Variants in PHC3 observed in about 807,000 individuals in gnomAD.
PHC3 encodes the protein polyhomeotic homolog 3, also known as polyhomeotic-like protein 3.
In PHC3, 13 loss-of-function variants were observed where a neutral mutation model predicts 107.4. That is an observed-to-expected ratio of 0.12 (90% CI 0.08 to 0.19). PHC3 has a LOEUF of 0.19. Among genes scored for constraint, PHC3 ranks in the 10% least tolerant of loss-of-function variants. The pLI, the probability that PHC3 is intolerant of heterozygous loss-of-function variation, is 1.00. For synonymous variants in PHC3, 456 were observed against 427.4 expected, an observed-to-expected ratio of 1.07 and a Z score of -0.83; for missense variants, 992 against 1,210.9, an observed-to-expected ratio of 0.82 and a Z score of 2.68.
In PHC3 at chr3:170,130,303, TTC is replaced by T. The variant is rs150557071; in HGVS notation, c.920-753_920-752del. On this transcript the variant is annotated intron_variant, in intron 7 of 14. Transcript: ENST00000495893. ...ATTCATAAAATAAAGATCTCATCCT[TTC>T]TAATCCATATCTAAACGTGCTTCCA... Among the ~76,000 whole-genome samples, 615 of 152,296 alleles carry T rather than the reference TTC, an allele frequency of 4.0e-3. 7 individuals carry two copies. Among genetic ancestry groups the T allele is most frequent in the Admixed American group, 0.03 (460 of 15,296 alleles).
At chr3:170,135,548 T>C (rs1722941257) in intron 7 of PHC3, among the ~76,000 whole-genome samples, 1 of 151,958 alleles carries the variant, frequency 6.6e-6, no homozygotes, top group South Asian at 2.1e-4. Flanking sequence ...TTATAGTGAT[T>C]TAGAAAACTA....
At chr3:170,152,679 G>C (rs946337430) in intron 4 of PHC3, among the ~76,000 whole-genome samples, 2 of 139,082 alleles carry the variant, frequency 1.4e-5, no homozygotes, top group African/African-American at 5.5e-5. Flanking sequence ...TTTTTTTTTT[G>C]AGACAGGGTC....
intron 6 of PHC3, among the ~76,000 whole-genome samples, chr3:170,140,041 A>C (rs1459372430): frequency 6.6e-6 from 1 of 151,874 alleles, no homozygotes; most frequent in Non-Finnish European, 1.5e-5. Context: ...CTCTCACATC[A>C]ATTATTTAAC....
rs1160615178 is a variant in PHC3 at position 170,176,837 on chromosome 3, G to C, written c.180+1936C>G. The C allele has an allele frequency of 9.0e-6, 4 of 445,932 alleles. No individual in the cohort carries two copies. The East Asian group carries it at 2.8e-4, about 31-fold the overall frequency. The allele number at this position is 445,932 out of a possible 1,614,324, so 27.6% of individuals were successfully genotyped here. Reference sequence around the variant, plus strand: ...TCAAAGATACTTCATTTAATCCTCAGAGTAATTAATGAAAGAAGTAGTCTC... The same window carrying C: ...TCAAAGATACTTCATTTAATCCTCACAGTAATTAATGAAAGAAGTAGTCTC... On this transcript the variant is annotated intron_variant, in intron 2 of 14. Coordinates refer to ENST00000495893, the MANE Select transcript of PHC3 (RefSeq NM_024947.4).
intron 9 of PHC3, among the ~76,000 whole-genome samples, chr3:170,119,999 A>G (rs7638400): frequency 0.11 from 16,907 of 152,236 alleles, 1,004 homozygotes; most frequent in Middle Eastern, 0.16. Flanking sequence ...GAAAACATGG[A>G]AAGACGTTCT....
intron 8 of PHC3, among the ~76,000 whole-genome samples, chr3:170,126,577 T>G (rs1721334863): frequency 6.7e-6 from 1 of 148,264 alleles, no homozygotes; most frequent in Non-Finnish European, 1.5e-5. Flanking sequence ...AGTCTCACTC[T>G]GTCACCCAGG....
rs562337245 is a variant in PHC3 at position 170,089,641 on chromosome 3, G to C, written c.*7589C>G. The C allele has an allele frequency of 2.8e-4, 42 of 152,268 alleles. No individual in the cohort carries two copies. Among genetic ancestry groups the C allele is most frequent in the African/African-American group, 9.6e-4 (40 of 41,546 alleles). 9.4% of individuals were successfully genotyped at this position (152,268 alleles called of 1,614,324 possible). A position where few individuals can be genotyped will look rare whatever the true frequency, so the allele number is the denominator to read the frequency against. On this transcript the variant is annotated 3_prime_UTR_variant, in exon 15 of 15. Coordinates refer to ENST00000495893, the MANE Select transcript of PHC3 (RefSeq NM_024947.4). ...AGAAAGTTGCTACACTGTCGGACAG[G>C]TGTGGTGGCTCATGCCTGTAATCCC...
At chr3:170,118,874 C>G (rs1719580981) in intron 9 of PHC3, among the ~76,000 whole-genome samples, 1 of 151,696 alleles carries the variant, frequency 6.6e-6, no homozygotes, top group South Asian at 2.1e-4. Flanking sequence ...CTCAAGTGAT[C>G]CTCCTGCCTC....
intron 4 of PHC3, among the ~76,000 whole-genome samples, chr3:170,168,753 C>CAAAAA (rs59152470): frequency 2.6e-5 from 2 of 77,068 alleles, no homozygotes; most frequent in East Asian, 7.1e-4. Flanking sequence ...GACTCCGTCT[C>CAAAAA]AAAAAAAAAA....
intron 6 of PHC3, among the ~76,000 whole-genome samples, chr3:170,141,184 T>A (rs1282712676): frequency 6.6e-6 from 1 of 152,174 alleles, no homozygotes; most frequent in Non-Finnish European, 1.5e-5. Context: ...CTCAACAAAG[T>A]TATGCAGAAA....
intron 4 of PHC3, chr3:170,150,773 G>A: frequency 2.6e-6 from 1 of 383,132 alleles, no homozygotes; most frequent in Non-Finnish European, 5.1e-6. Context: ...ACCTCTAGAA[G>A]GATGCGTAAG....
At chr3:170,159,728 A>G (rs1727556246) in intron 4 of PHC3, among the ~76,000 whole-genome samples, 1 of 152,202 alleles carries the variant, frequency 6.6e-6, no homozygotes, top group African/African-American at 2.4e-5. Context: ...CCATGAAACT[A>G]CAAAATAAAA....
In PHC3 at chr3:170,129,217, T is replaced by C. The variant is rs1721854022; in HGVS notation, c.1255A>G (p.Ser419Gly). The change falls in exon 8 of 15, where the codon AGT (serine) becomes GGT (glycine). Residue 419 changes from serine to glycine, a missense_variant. Ser to Gly is a moderately conservative substitution (Grantham distance 56). Coordinates refer to ENST00000495893, the MANE Select transcript of PHC3 (RefSeq NM_024947.4). Reference protein sequence around the residue: ...VVSPPPPHSPSQSPTIIIHPQ... With the variant: ...VVSPPPPHSPGQSPTIIIHPQ... Reference sequence around the variant, plus strand: ...TGAATAATTATAGTAGGAGACTGACTTGGTGAATGAGGTGGTGGAGGAGAC... The same window carrying C: ...TGAATAATTATAGTAGGAGACTGACCTGGTGAATGAGGTGGTGGAGGAGAC... 2 of 1,613,856 alleles carry C rather than the reference T, an allele frequency of 1.2e-6. No homozygotes were observed. Among genetic ancestry groups the C allele is most frequent in the East Asian group, 4.5e-5 (2 of 44,888 alleles).
At chr3:170,139,569 A>ATG (rs1213208718) in intron 6 of PHC3, among the ~76,000 whole-genome samples, 1 of 152,192 alleles carries the variant, frequency 6.6e-6, no homozygotes, top group Admixed American at 6.5e-5. Context: ...CTATAGAATA[A>ATG]TACTCCTTTT....
intron 9 of PHC3, among the ~76,000 whole-genome samples, chr3:170,120,844 G>C (rs945274809): frequency 7.0e-4 from 106 of 152,094 alleles, no homozygotes; most frequent in Non-Finnish European, 1.3e-4. Flanking sequence ...GCCTGTTGTA[G>C]CAGTCCTTCT....
In PHC3 at chr3:170,093,664, ATT is replaced by A; in HGVS notation, c.*3564_*3565del. On this transcript the variant is annotated 3_prime_UTR_variant, in exon 15 of 15. Coordinates refer to ENST00000495893, the MANE Select transcript of PHC3 (RefSeq NM_024947.4). ...AGATGTACATAATGTACTTTAAGAC[ATT>A]TAACTGAACAAGTCAGTGGGAGACA... is the stretch of plus-strand genomic sequence containing the variant. 1 of 152,228 alleles carries A rather than the reference ATT, an allele frequency of 6.6e-6. No individual in the cohort carries two copies. The highest frequency in any genetic ancestry group is 2.4e-5 in the African/African-American group (1 of 41,468). 9.4% of individuals were successfully genotyped at this position (152,228 alleles called of 1,614,324 possible).
At chr3:170,133,656 G>A (rs973704072) in intron 7 of PHC3, among the ~76,000 whole-genome samples, 2 of 152,104 alleles carry the variant, frequency 1.3e-5, no homozygotes, top group Non-Finnish European at 2.9e-5. Context: ...GAAAATTGGA[G>A]TATATGTAAG....
chr3:170,115,452 TACC>T (rs899332033), intron 10 of PHC3, among the ~76,000 whole-genome samples: 10 of 152,172 alleles, frequency 6.6e-5, no homozygotes, highest in African/African-American at 2.4e-4. Flanking sequence ...TGTACATATA[TACC>T]ACAATACATA....
At chr3:170,169,860 T>C (rs1208368870) in intron 4 of PHC3, 1 of 152,216 alleles carries the variant, frequency 6.6e-6, no homozygotes, top group Non-Finnish European at 1.5e-5. Flanking sequence ...GCCCACAAAA[T>C]ATTTACCACT....
Sources: allele counts gnomAD v4.1 joint callset (sites outside exome capture counted in the v4.1 genomes callset), GRCh38; gene constraint gnomAD v4.1.1; transcripts MANE v1.5; gene names NCBI Gene and HGNC (gene_info 2026-07-23, HGNC 2026-07-21).